POU3F3: variants seen among roughly 807,000 people sequenced by gnomAD.
The protein encoded by POU3F3 is POU class 3 homeobox 3.
A neutral mutation model predicts 8.6 loss-of-function variants in POU3F3; 1 was observed. That is an observed-to-expected ratio of 0.12 (90% CI 0.04 to 0.55). The LOEUF is 0.55. POU3F3 is among the 20% of genes least tolerant of loss of function. The probability of loss-of-function intolerance (pLI) is 0.91; values close to 1 mark genes in which losing one functional copy is unlikely to be tolerated. For missense variants in POU3F3, 577 were observed against 690.7 expected, an observed-to-expected ratio of 0.84 and a Z score of 1.84; for synonymous variants, 418 against 327.4, an observed-to-expected ratio of 1.28 and a Z score of -2.99.
At chr2:104,888,804 T>C in the POU3F3 span, among the ~76,000 whole-genome samples, 2 of 152,100 alleles carry the variant, frequency 1.3e-5, no homozygotes, top group African/African-American at 4.8e-5. Flanking sequence ...CAGGCCTCCC[T>C]CTTTTCTCCT....
chr2:104,906,811 A>G, the POU3F3 span, among the ~76,000 whole-genome samples: 1 of 151,912 alleles, frequency 6.6e-6, no homozygotes, highest in Non-Finnish European at 1.5e-5. Flanking sequence ...TTCTCCTCCT[A>G]CTTATTCTCC....
At chr2:104,862,342 T>A (rs1223952895), downstream of POU3F3, among the ~76,000 whole-genome samples, 1 of 152,126 alleles carries the variant, frequency 6.6e-6, no homozygotes, top group Admixed American at 6.5e-5. Context: ...TGCGCTAGTG[T>A]GTGCGCGCGC....
At chr2:104,878,353 T>G in the POU3F3 span, among the ~76,000 whole-genome samples, 4 of 152,246 alleles carry the variant, frequency 2.6e-5, no homozygotes, top group Non-Finnish European at 4.4e-5. Context: ...CCCTGCCAGT[T>G]TCTCTACTAT....
At chr2:104,903,755 C>T in the POU3F3 span, among the ~76,000 whole-genome samples, 1 of 152,230 alleles carries the variant, frequency 6.6e-6, no homozygotes, top group African/African-American at 2.4e-5. Flanking sequence ...CTTCCTATAA[C>T]CTTTCTGTTA....
the POU3F3 span, among the ~76,000 whole-genome samples, chr2:104,911,239 C>T: frequency 6.6e-6 from 1 of 151,460 alleles, no homozygotes; most frequent in African/African-American, 2.4e-5. Context: ...AAAATCCCAT[C>T]TCTACTAAAA....
the POU3F3 span, among the ~76,000 whole-genome samples, chr2:104,891,572 T>C: frequency 6.6e-6 from 1 of 151,984 alleles, no homozygotes; most frequent in Non-Finnish European, 1.5e-5. Flanking sequence ...GATAGAAGGG[T>C]TTGAAGGCAA....
In POU3F3 at chr2:104,856,795, C is replaced by T. The variant is rs1207885458; in HGVS notation, c.1285C>T (p.Pro429Ser). Residue 429 changes from proline to serine, a missense_variant, in exon 1 of 1, where the codon CCC (proline) becomes TCC (serine). Around this residue, in one of 7 missense-constraint regions of POU3F3, gnomAD observed 21 missense variants for 41.9 expected, o/e 0.50. Transcript: ENST00000361360. Reference sequence around the variant, plus strand: ...GCTGGAGAGCCACTTCCTCAAGTGCCCCAAGCCCTCCGCGCAGGAGATCAC... The same window carrying T: ...GCTGGAGAGCCACTTCCTCAAGTGCTCCAAGCCCTCCGCGCAGGAGATCAC... ...GALESHFLKC[P>S]KPSAQEITNL... 1 of 1,614,074 alleles carries T rather than the reference C, an allele frequency of 6.2e-7. No individual in the cohort carries two copies. Among genetic ancestry groups the T allele is most frequent in the Non-Finnish European group, 8.5e-7 (1 of 1,180,016 alleles).
chr2:104,858,798 C>T (rs1676622219), downstream of POU3F3, among the ~76,000 whole-genome samples: 1 of 152,182 alleles, frequency 6.6e-6, no homozygotes, highest in Admixed American at 6.5e-5. Flanking sequence ...ATATTTTTCT[C>T]TCCCTTAATT....
At chr2:104,880,186 G>A in the POU3F3 span, among the ~76,000 whole-genome samples, 8 of 151,104 alleles carry the variant, frequency 5.3e-5, no homozygotes, top group South Asian at 1.5e-3. Context: ...CTCCCCACCC[G>A]CCTCCGCCCC....
chr2:104,921,311 G>T, the POU3F3 span, among the ~76,000 whole-genome samples: 1 of 152,194 alleles, frequency 6.6e-6, no homozygotes, highest in Non-Finnish European at 1.5e-5. Context: ...ATTCTGGGAA[G>T]ATGGCAGAGT....
the POU3F3 span, among the ~76,000 whole-genome samples, chr2:104,916,349 G>T: frequency 6.6e-6 from 1 of 152,096 alleles, no homozygotes; most frequent in Non-Finnish European, 1.5e-5. Context: ...TTTCTTGCTG[G>T]GTAAGAAATG....
Position 104,854,156 on chromosome 2 carries a change from A to G in POU3F3, c.-1355A>G, listed in dbSNP as rs1485171973. Among the ~76,000 whole-genome samples the G allele has an allele frequency of 6.6e-6, 1 of 152,064 alleles. No homozygotes were observed. The highest frequency in any genetic ancestry group is 1.5e-5 in the Non-Finnish European group (1 of 68,016). On this transcript the variant is annotated 5_prime_UTR_variant, in exon 1 of 1. Transcript: ENST00000361360. The surrounding 1 kb of genome is among the most constrained non-coding windows in gnomAD (Gnocchi z 4.5). ...TCTGAGAGGGAGGGACAGAGAGCGA[A>G]CTGTCAGATCGGAGCGAGAGCGGGC...
the POU3F3 span, among the ~76,000 whole-genome samples, chr2:104,916,484 C>A: frequency 6.6e-6 from 1 of 152,148 alleles, no homozygotes; most frequent in Non-Finnish European, 1.5e-5. Context: ...AGCTGAGGCT[C>A]CATTTGTCTC....
At chr2:104,915,247 A>G in the POU3F3 span, among the ~76,000 whole-genome samples, 2 of 152,204 alleles carry the variant, frequency 1.3e-5, no homozygotes, top group African/African-American at 4.8e-5. Context: ...CAGGTAGTTG[A>G]CAATGTGGCC....
the POU3F3 span, among the ~76,000 whole-genome samples, chr2:104,888,396 C>G: frequency 1.3e-5 from 2 of 152,184 alleles, no homozygotes; most frequent in Non-Finnish European, 2.9e-5. Context: ...GCTGGGACCT[C>G]AGGCTGGTGG....
the POU3F3 span, among the ~76,000 whole-genome samples, chr2:104,909,383 C>T: frequency 1.3e-5 from 2 of 152,140 alleles, no homozygotes; most frequent in Admixed American, 1.3e-4. Context: ...CAAATGGTAC[C>T]CTGGGATACA....
At chr2:104,884,983 G>A in the POU3F3 span, among the ~76,000 whole-genome samples, 1 of 152,150 alleles carries the variant, frequency 6.6e-6, no homozygotes, top group African/African-American at 2.4e-5. Flanking sequence ...TGTTTGGTGG[G>A]ACGGGCAAGG....
the POU3F3 span, among the ~76,000 whole-genome samples, chr2:104,910,070 A>G: frequency 2.0e-5 from 3 of 152,216 alleles, no homozygotes; most frequent in Non-Finnish European, 2.9e-5. Flanking sequence ...GTTATTGTAT[A>G]GATGGTCTAA....
chr2:104,890,034 C>T, the POU3F3 span, among the ~76,000 whole-genome samples: 7 of 152,128 alleles, frequency 4.6e-5, no homozygotes, highest in African/African-American at 1.2e-4. Context: ...CCCTGCAGCT[C>T]GCGACCTCAA....
Sources: allele counts gnomAD v4.1 joint callset (sites outside exome capture counted in the v4.1 genomes callset), GRCh38; gene constraint gnomAD v4.1.1; regional missense constraint gnomAD v4.1.1; non-coding constraint Gnocchi (gnomAD v3.1); transcripts MANE v1.5; gene names NCBI Gene and HGNC (gene_info 2026-07-23, HGNC 2026-07-21).